Variants in COPS2 observed in about 807,000 individuals in gnomAD.
COPS2 encodes COP9 signalosome complex subunit 2.
Under a neutral mutation model 66.1 loss-of-function variants are expected in COPS2, and 10 were observed. That is an observed-to-expected ratio of 0.15 (90% confidence interval 0.09 to 0.26). The LOEUF is 0.26. Among genes scored for constraint, COPS2 ranks in the 10% least tolerant of loss-of-function variants. The probability of loss-of-function intolerance (pLI) is 1.00; values close to 1 mark genes in which losing one functional copy is unlikely to be tolerated. For missense variants in COPS2, 215 were observed against 513.3 expected, an observed-to-expected ratio of 0.42 and a Z score of 5.62; for synonymous variants, 179 against 171.3, an observed-to-expected ratio of 1.04 and a Z score of -0.35.
At position 49,129,538 on chromosome 15, in the gene COPS2, G is replaced by A; in HGVS notation, c.1067C>T (p.Thr356Ile). Reference sequence around the variant, plus strand: ...CTTAATTAATTTTATAAGCACTTGTGTTCTGATGTTTCGCAAAAGCTCTGA... The same window carrying A: ...CTTAATTAATTTTATAAGCACTTGTATTCTGATGTTTCGCAAAAGCTCTGA... The part of the protein sequence containing the change: ...HIEELLRNIR[T>I]QVLIKLIKPY... The change falls in exon 11 of 13, where the codon ACA (threonine) becomes ATA (isoleucine). Residue 356 changes from threonine (T) to isoleucine (I), a missense_variant. Physicochemically the swap from Thr to Ile is moderately conservative, Grantham distance 89. This residue lies in a region of COPS2 where 56 missense variants were observed against 173.6 expected (regional missense o/e 0.32). Coordinates refer to ENST00000388901, the MANE Select transcript of COPS2 (RefSeq NM_004236.4). The A allele has an allele frequency of 6.6e-7, 1 of 1,507,878 alleles. No homozygotes were observed. The highest frequency in any genetic ancestry group is 8.9e-7 in the Non-Finnish European group (1 of 1,123,938). The allele number at this position is 1,507,878 out of a possible 1,614,324, so 93.4% of individuals were successfully genotyped here.
chr15:49,137,264 A>T, intron 5 of COPS2, 37 bp from the exon 6 acceptor site: 1 of 1,549,720 alleles, frequency 6.5e-7, no homozygotes, highest in Non-Finnish European at 8.8e-7. Flanking sequence ...CAAGATTTCA[A>T]CAGAAGATGT....
intron 1 of COPS2, among the ~76,000 whole-genome samples, 161 bp downstream of exon 1, chr15:49,155,364 G>A (rs886291897): frequency 1.3e-5 from 2 of 152,218 alleles, no homozygotes; most frequent in African/African-American, 4.8e-5. Flanking sequence ...CAGGGCCCGG[G>A]CCCGGTGCGG....
intron 6 of COPS2, among the ~76,000 whole-genome samples, chr15:49,136,826 A>G (rs1253109689): frequency 6.6e-6 from 1 of 151,912 alleles, no homozygotes; most frequent in Non-Finnish European, 1.5e-5. Flanking sequence ...ACCTCTACAA[A>G]AAAATACAAA....
chr15:49,145,153 C>T (rs1430515260), intron 1 of COPS2, 75 bp from the exon 2 acceptor site: 3 of 726,382 alleles, frequency 4.1e-6, no homozygotes, highest in African/African-American at 3.7e-5. Context: ...AAAGTGAATG[C>T]TGTTAAGACA....
intron 1 of COPS2, among the ~76,000 whole-genome samples, chr15:49,152,731 G>A (rs572615322): frequency 1.3e-5 from 2 of 152,240 alleles, no homozygotes; most frequent in East Asian, 1.9e-4. Flanking sequence ...GCTGAGGCAG[G>A]AGAATCGCTC....
Position 49,128,669 on chromosome 15 carries a change from A to G in COPS2, c.1187+33T>C, listed in dbSNP as rs1313870619. 3 of 1,481,302 alleles carry G rather than the reference A, an allele frequency of 2.0e-6. No individual in the cohort carries two copies. The South Asian group carries it at 3.6e-5, about 18-fold the overall frequency. 91.8% of individuals were successfully genotyped at this position (1,481,302 alleles called of 1,614,324 possible). ...TATTATTCAAAACTTACGGTACCAA[A>G]TATTTTGTGATAAAAAATAGTAAAG... On this transcript the variant is annotated intron_variant, in intron 12 of 12. Coordinates refer to ENST00000388901, the MANE Select transcript of COPS2 (RefSeq NM_004236.4).
chr15:49,134,224 G>A (rs1019301527), intron 7 of COPS2, 116 bp from the exon 8 acceptor site: 21 of 1,400,222 alleles, frequency 1.5e-5, no homozygotes, highest in Admixed American at 2.3e-5. Context: ...TTTAAATTCT[G>A]TAACTTGAAT....
At position 49,136,201 on chromosome 15, in the gene COPS2, TG is replaced by T. The variant is rs544674879; in HGVS notation, c.540+948del. 1.2e-4 allele frequency among the ~76,000 whole-genome samples: 19 copies of T among 152,180 alleles called. No homozygotes were observed. In the South Asian group the frequency reaches 3.9e-3, roughly 32 times the overall value. ...CATGGTGGCAAGCGTGGGGAGGGGTTGAAAAAAAGTAGTACGTGGCATTGGA... is the reference window on the plus strand; with the variant it reads ...CATGGTGGCAAGCGTGGGGAGGGGTTAAAAAAAGTAGTACGTGGCATTGGA... On this transcript the variant is annotated intron_variant, in intron 6 of 12. Coordinates refer to ENST00000388901, the MANE Select transcript of COPS2 (RefSeq NM_004236.4).
chr15:49,133,843 T>A, intron 8 of COPS2, 32 bp from the exon 9 acceptor site: 1 of 1,552,078 alleles, frequency 6.4e-7, no homozygotes, highest in East Asian at 2.3e-5. Flanking sequence ...ATTAAATATA[T>A]GTACAAAGAA....
chr15:49,142,615 G>C (rs2084296260), intron 3 of COPS2, among the ~76,000 whole-genome samples: 1 of 152,186 alleles, frequency 6.6e-6, no homozygotes, highest in Non-Finnish European at 1.5e-5. Context: ...GCTCATCTGA[G>C]CTTCAACTTC....
Position 49,126,365 on chromosome 15 carries a change from G to A in COPS2, c.*1585C>T, listed in dbSNP as rs1042812924. ...GTATAAATATATATCACATATTTTCGTAAAATTTTGACAAAACCGAATAAG... is the reference window on the plus strand; with the variant it reads ...GTATAAATATATATCACATATTTTCATAAAATTTTGACAAAACCGAATAAG... On this transcript the variant is annotated 3_prime_UTR_variant, in exon 13 of 13. Coordinates refer to ENST00000388901, the MANE Select transcript of COPS2 (RefSeq NM_004236.4). 8.5e-5 allele frequency: 13 copies of A among 152,088 alleles called. No individual in the cohort carries two copies. Among genetic ancestry groups the A allele is most frequent in the Admixed American group, 2.0e-4 (3 of 15,250 alleles). 9.4% of individuals were successfully genotyped at this position (152,088 alleles called of 1,614,324 possible).
intron 7 of COPS2, 33 bp downstream of exon 7, chr15:49,134,307 T>C (rs992861612): frequency 3.1e-6 from 5 of 1,601,404 alleles, no homozygotes; most frequent in African/African-American, 1.3e-5. Context: ...TATCTCCCCA[T>C]GCCACTGCCC....
intron 9 of COPS2, among the ~76,000 whole-genome samples, chr15:49,132,075 T>C (rs956060878): frequency 6.6e-6 from 1 of 152,190 alleles, no homozygotes; most frequent in Non-Finnish European, 1.5e-5. Flanking sequence ...AAAATATCAA[T>C]GTCTAGGGTA....
intron 10 of COPS2, 47 bp from the exon 11 acceptor site, chr15:49,129,606 G>T: frequency 3.0e-6 from 3 of 985,956 alleles, no homozygotes; most frequent in Non-Finnish European, 4.4e-6. Flanking sequence ...CAGTTTGTAT[G>T]ATATCTTTAT....
intron 4 of COPS2, chr15:49,137,982 A>G (rs1168462067): frequency 6.6e-6 from 1 of 152,286 alleles, no homozygotes; most frequent in Non-Finnish European, 1.5e-5. Flanking sequence ...GCAAACACTA[A>G]GCATGCTGGT....
intron 4 of COPS2, among the ~76,000 whole-genome samples, chr15:49,138,915 C>T (rs1304273786): frequency 6.6e-6 from 1 of 152,094 alleles, no homozygotes; most frequent in Non-Finnish European, 1.5e-5. Flanking sequence ...GACAAATGAT[C>T]CAATTAAAAA....
intron 9 of COPS2, among the ~76,000 whole-genome samples, 176 bp from the exon 10 acceptor site, chr15:49,130,992 T>TA (rs1345954457): frequency 6.6e-5 from 10 of 152,242 alleles, no homozygotes; most frequent in African/African-American, 2.4e-4. Flanking sequence ...AAAAAAAACA[T>TA]AAATTTCCTT....
At chr15:49,140,073 G>C (rs1015888998) in intron 3 of COPS2, among the ~76,000 whole-genome samples, 2 of 151,882 alleles carry the variant, frequency 1.3e-5, no homozygotes, top group African/African-American at 2.4e-5. Context: ...CGCAACCTCC[G>C]CCTCCCAGGT....
chr15:49,145,150 A>T, intron 1 of COPS2, 72 bp from the exon 2 acceptor site: 1 of 783,912 alleles, frequency 1.3e-6, no homozygotes, highest in South Asian at 1.9e-5. Context: ...TAAAAAGTGA[A>T]TGCTGTTAAG....
Sources: allele counts gnomAD v4.1 joint callset (sites outside exome capture counted in the v4.1 genomes callset), GRCh38; gene constraint gnomAD v4.1.1; regional missense constraint gnomAD v4.1.1; transcripts MANE v1.5; gene names NCBI Gene and HGNC (gene_info 2026-07-23, HGNC 2026-07-21).